ITGB6: variants seen among roughly 807,000 people sequenced by gnomAD.
The protein encoded by ITGB6 is integrin subunit beta 6, also known as integrin beta-6.
In ITGB6, 80 loss-of-function variants were observed where a neutral mutation model predicts 84.5. The ratio of observed to expected loss-of-function variants is 0.95; its 90% CI spans 0.79 to 1.14. The LOEUF (loss-of-function observed/expected upper bound fraction) is 1.14, where lower values mean the gene tolerates loss of function less well. ITGB6 is among the 50% of genes most tolerant of loss of function. The pLI is 0.00. For synonymous variants in ITGB6, 383 were observed against 354.9 expected (o/e 1.08, Z -0.89); for missense variants, 1,006 against 968.0 (o/e 1.04, Z -0.52).
chr2:160,112,333 G>GTT, intron 12 of ITGB6, 134 bp from the exon 13 acceptor site: 314 of 631,936 alleles, frequency 5.0e-4, no homozygotes, highest in South Asian at 6.1e-4. Flanking sequence ...AGAGGCATAG[G>GTT]TTTTTTTTTT....
intron 7 of ITGB6, among the ~76,000 whole-genome samples, chr2:160,157,205 T>C (rs1684656137): frequency 6.6e-6 from 1 of 152,212 alleles, no homozygotes; most frequent in African/African-American, 2.4e-5. Context: ...CAGTATGACC[T>C]CCTATTAGGT....
chr2:160,116,516 C>T (rs1197684904), intron 12 of ITGB6, among the ~76,000 whole-genome samples: 1 of 152,106 alleles, frequency 6.6e-6, no homozygotes, highest in Non-Finnish European at 1.5e-5. Flanking sequence ...GAAGGAAGCA[C>T]TAAACATGGA....
At chr2:160,168,618 C>T (rs1315643866) in intron 7 of ITGB6, among the ~76,000 whole-genome samples, 2 of 152,168 alleles carry the variant, frequency 1.3e-5, no homozygotes, top group African/African-American at 2.4e-5. Flanking sequence ...GGTTTGGGGA[C>T]AGCACTTCAT....
rs1016715806 is a variant in ITGB6, at chr2:160,116,154, A to G, written c.1982-3955T>C. On this transcript the variant is annotated intron_variant, in intron 12 of 14. Transcript: ENST00000283249. Reference sequence around the variant, plus strand: ...AGGCCAACGTTCAGATTCAGGAAATACAGAGAACGCCACAAAGATACTCCT... The same window carrying G: ...AGGCCAACGTTCAGATTCAGGAAATGCAGAGAACGCCACAAAGATACTCCT... Among the ~76,000 whole-genome samples, 6 of 150,506 alleles carry G rather than the reference A, an allele frequency of 4.0e-5. No individual in the cohort carries two copies. The Admixed American group carries it at 4.0e-4, about 10-fold the overall frequency.
intron 13 of ITGB6, among the ~76,000 whole-genome samples, chr2:160,109,796 C>T (rs796922430): frequency 1.4e-4 from 21 of 152,302 alleles, no homozygotes; most frequent in African/African-American, 5.1e-4. Context: ...GTGCTACATG[C>T]GTTGCACAAT....
intron 7 of ITGB6, among the ~76,000 whole-genome samples, chr2:160,157,684 A>G (rs1238849162): frequency 7.4e-5 from 11 of 149,102 alleles, no homozygotes; most frequent in South Asian, 2.1e-4. Context: ...TTGTGGCTGT[A>G]ATGACTTTCA....
intron 6 of ITGB6, among the ~76,000 whole-genome samples, chr2:160,172,194 C>A (rs1574117135): frequency 6.6e-6 from 1 of 152,222 alleles, no homozygotes; most frequent in Non-Finnish European, 1.5e-5. Flanking sequence ...TGGCCTGATT[C>A]AAGGACTATC....
intron 13 of ITGB6, among the ~76,000 whole-genome samples, chr2:160,111,740 C>T (rs891461970): frequency 3.3e-5 from 5 of 151,772 alleles, no homozygotes; most frequent in African/African-American, 9.7e-5. Context: ...CCACCATACC[C>T]GGCTAATTTT....
At chr2:160,126,730 G>T in intron 10 of ITGB6, 129 bp from the exon 11 acceptor site, 1 of 805,528 alleles carries the variant, frequency 1.2e-6, no homozygotes, top group Non-Finnish European at 2.0e-6. Context: ...GAGAAAAAAA[G>T]TATGTGTGTG....
Position 160,169,280 on chromosome 2 carries a change from C to G in ITGB6, c.949G>C (p.Asp317His). The change falls in exon 7 of 15, where the codon GAT becomes CAT. Residue 317 changes from aspartate (D) to histidine (H), a missense_variant. By Grantham distance (81) the Asp-to-His change is moderately conservative. Transcript: ENST00000283249. Reference protein sequence around the residue: ...LEYPTIGQLIDKLVQNNVLLI... With the variant: ...LEYPTIGQLIHKLVQNNVLLI... ...AACACGTTGTTTTGTACCAGTTTAT[C>G]AATGAGTTGTCCAATTGTTGGATAT... 1 of 1,600,064 alleles carries G rather than the reference C, an allele frequency of 6.2e-7. No individual in the cohort carries two copies. Among genetic ancestry groups the G allele is most frequent in the South Asian group, 1.1e-5 (1 of 88,790 alleles).
chr2:160,121,536 G>A (rs1369104270), intron 12 of ITGB6, among the ~76,000 whole-genome samples: 3 of 152,176 alleles, frequency 2.0e-5, no homozygotes, highest in South Asian at 2.1e-4. Context: ...TGTAATCCCA[G>A]CAATTTGGGA....
At chr2:160,117,201 C>T (rs1682821223) in intron 12 of ITGB6, among the ~76,000 whole-genome samples, 1 of 152,080 alleles carries the variant, frequency 6.6e-6, no homozygotes, top group Non-Finnish European at 1.5e-5. Flanking sequence ...CCCAAATCAA[C>T]AGAATATACA....
Position 160,107,789 on chromosome 2 carries a change from G to T in ITGB6, c.2158C>A (p.Leu720Ile). ...CACAGTAGGACAACCCCGATGAGAA[G>T]AATAGCCAGGGAAACCCCTAACATG... ...MIMLGVSLAI[L>I]LIGVVLLCIW... is the part of the protein sequence containing the mutation. The change falls in exon 14 of 15, where the codon CTT (leucine) becomes ATT (isoleucine). Residue 720 changes from leucine (L) to isoleucine (I), a missense_variant. By Grantham distance (5) the Leu-to-Ile change is conservative (BLOSUM62 2). Transcript: ENST00000283249. The T allele has an allele frequency of 6.2e-7, 1 of 1,613,918 alleles. No homozygotes were observed. The highest frequency in any genetic ancestry group is 8.5e-7 in the Non-Finnish European group (1 of 1,179,828).
chr2:160,136,888 C>G (rs369722215), intron 10 of ITGB6, among the ~76,000 whole-genome samples: 4 of 147,526 alleles, frequency 2.7e-5, no homozygotes, highest in Non-Finnish European at 4.5e-5. Context: ...ACATCACACA[C>G]TGGGGCCTGT....
At chr2:160,177,715 T>G (rs1685485039) in intron 4 of ITGB6, among the ~76,000 whole-genome samples, 1 of 152,206 alleles carries the variant, frequency 6.6e-6, no homozygotes, top group Non-Finnish European at 1.5e-5. Context: ...CTAAGATGCA[T>G]TTTTAAAGTG....
chr2:160,181,657 C>G (rs1365377135), intron 4 of ITGB6, among the ~76,000 whole-genome samples: 1 of 152,234 alleles, frequency 6.6e-6, no homozygotes, highest in African/African-American at 2.4e-5. Flanking sequence ...AGACTGCCTC[C>G]TCAAGTGGGT....
chr2:160,200,000 T>C lies in ITGB6; in HGVS notation c.61+3A>G, dbSNP rs774857769. 1 of 1,611,800 alleles carries C rather than the reference T, an allele frequency of 6.2e-7. No individual in the cohort carries two copies. The highest frequency in any genetic ancestry group is 1.1e-5 in the South Asian group (1 of 90,956). On this transcript the variant is annotated splice_donor_region_variant and intron_variant, in intron 1 of 14. Transcript: ENST00000283249. ...GTAATATATCAGAGAACGCAGGTCT[T>C]ACCTTGTACGTGATCATTCCTTCCT...
At position 160,196,370 on chromosome 2, in the gene ITGB6, G is replaced by C. The variant is rs139380804; in HGVS notation, c.192C>G (p.Asn64Lys). 2.5e-6 allele frequency: 4 copies of C among 1,613,878 alleles called. No homozygotes were observed. Among genetic ancestry groups the C allele is most frequent in the South Asian group, 2.2e-5 (2 of 91,078 alleles). ...TTAATTGACATCCTTTAGCTAAAAG[G>C]TTTGCTGGGGTATCACACCTTTCGC... is the stretch of plus-strand genomic sequence containing the variant. The part of the protein sequence containing the change: ...GVGERCDTPA[N>K]LLAKGCQLNF... The change falls in exon 3 of 15, where the codon AAC becomes AAG. Residue 64 changes from asparagine to lysine, a missense_variant. Transcript: ENST00000283249.
intron 4 of ITGB6, among the ~76,000 whole-genome samples, chr2:160,189,463 G>A (rs948641441): frequency 2.6e-5 from 4 of 152,036 alleles, no homozygotes; most frequent in Non-Finnish European, 5.9e-5. Flanking sequence ...ATCTGACAAA[G>A]GGCTAATATC....
Sources: allele counts gnomAD v4.1 joint callset (sites outside exome capture counted in the v4.1 genomes callset), GRCh38; gene constraint gnomAD v4.1.1; transcripts MANE v1.5; gene names NCBI Gene and HGNC (gene_info 2026-07-23, HGNC 2026-07-21).